PCDHGA7: variants seen among roughly 807,000 people sequenced by gnomAD.
PCDHGA7 encodes protocadherin gamma-A7.
Under a neutral mutation model 58.3 loss-of-function variants are expected in PCDHGA7, and 44 were observed. The observed-to-expected ratio is 0.75, with a 90% confidence interval of 0.59 to 0.97. PCDHGA7 has a LOEUF of 0.97. Ranked by LOEUF, PCDHGA7 falls within the 50% of genes least tolerant of loss-of-function variation. The pLI is 0.00. For missense variants in PCDHGA7, 1,266 were observed against 1,188.7 expected (o/e 1.06, Z -0.96); for synonymous variants, 516 against 504.2 (o/e 1.02, Z -0.31).
At chr5:141,405,582 C>T in intron 1 of PCDHGA7, 3 of 589,180 alleles carry the variant, frequency 5.1e-6, no homozygotes, top group African/African-American at 1.9e-5. Context: ...GTAGCTGGGA[C>T]TACAGGCCTC....
intron 1 of PCDHGA7, chr5:141,422,585 T>C (rs1193597044): frequency 1.2e-6 from 2 of 1,613,930 alleles, no homozygotes; most frequent in African/African-American, 2.7e-5. Context: ...CCTCCCGTTT[T>C]TCCTCACTCC....
chr5:141,494,950 A>T, intron 2 of PCDHGA7, 85 bp downstream of exon 2: 2 of 1,607,070 alleles, frequency 1.2e-6, no homozygotes, highest in African/African-American at 2.7e-5. Context: ...AGGGCCCAGC[A>T]TTTGCTACAG....
intron 1 of PCDHGA7, among the ~76,000 whole-genome samples, chr5:141,434,054 C>T (rs1241950753): frequency 6.6e-6 from 1 of 152,094 alleles, no homozygotes; most frequent in Non-Finnish European, 1.5e-5. Flanking sequence ...ATTCAATGGC[C>T]TGTAATCTGT....
At chr5:141,399,080 G>A (rs1385144710) in intron 1 of PCDHGA7, 2 of 1,613,696 alleles carry the variant, frequency 1.2e-6, no homozygotes, top group Non-Finnish European at 1.7e-6. Flanking sequence ...GTAGAAGGGA[G>A]GGATGGTGGT....
chr5:141,472,556 T>A (rs2099287889), intron 1 of PCDHGA7, among the ~76,000 whole-genome samples: 1 of 151,628 alleles, frequency 6.6e-6, no homozygotes, highest in South Asian at 2.1e-4. Flanking sequence ...AAAAAAATTA[T>A]ATTATAAATG....
chr5:141,383,671 G>T lies in PCDHGA7; in HGVS notation c.772G>T (p.Gly258Cys). The T allele has an allele frequency of 6.2e-7, 1 of 1,613,998 alleles. No homozygotes were observed. The highest frequency in any genetic ancestry group is 8.5e-7 in the Non-Finnish European group (1 of 1,179,896). ...AACTGTCCCCGAGAATGTGCCAGTG[G>T]GTACAAGACTGCTCACGGTACATGC... The part of the protein sequence containing the change: ...QVTVPENVPV[G>C]TRLLTVHAID... Residue 258 changes from glycine (G) to cysteine (C), a missense_variant, in exon 1 of 4, where the codon GGT becomes TGT. Physicochemically the swap from Gly to Cys is radical, Grantham distance 159 (BLOSUM62 -3). Transcript: ENST00000518325.
chr5:141,419,065 C>G (rs763008753), intron 1 of PCDHGA7: 2 of 1,613,786 alleles, frequency 1.2e-6, no homozygotes, highest in South Asian at 2.2e-5. Context: ...ATAATTACTA[C>G]AAGCTAGTAA....
chr5:141,476,556 C>G lies in PCDHGA7; in HGVS notation c.2425-18251C>G. On this transcript the variant is annotated intron_variant, in intron 1 of 3. Transcript: ENST00000518325. This position sits in a 1 kb window ranked among gnomAD's most constrained non-coding sequence, Gnocchi z 7.6. ...GAAATGAAATTGGAGATTAGCGAGG[C>G]CGTGGCTCCGGGGACGCGCTTTCCG... The G allele has an allele frequency of 6.2e-7, 1 of 1,614,234 alleles. No homozygotes were observed. The highest frequency in any genetic ancestry group is 8.5e-7 in the Non-Finnish European group (1 of 1,180,036).
intron 3 of PCDHGA7, chr5:141,508,415 A>T (rs2099868684): frequency 6.6e-6 from 1 of 152,158 alleles, no homozygotes; most frequent in Non-Finnish European, 1.5e-5. Context: ...CCACGCAGAG[A>T]CTTGACCAAG....
At chr5:141,506,609 T>C (rs1375963880) in intron 3 of PCDHGA7, among the ~76,000 whole-genome samples, 1 of 152,184 alleles carries the variant, frequency 6.6e-6, no homozygotes, top group African/African-American at 2.4e-5. Context: ...GATCTCATTG[T>C]GGTGTTACCA....
Position 141,431,303 on chromosome 5 carries a change from G to A in PCDHGA7, c.2424+45980G>A, listed in dbSNP as rs777784010. 2 of 1,613,942 alleles carry A rather than the reference G, an allele frequency of 1.2e-6. No homozygotes were observed. The highest frequency in any genetic ancestry group is 2.7e-5 in the African/African-American group (2 of 74,916). ...CCCGAACACTCACTTCTCCCTCATC[G>A]TGCAAAATGGAGCCGACGGTAGTAA... On this transcript the variant is annotated intron_variant, in intron 1 of 3. Transcript: ENST00000518325. The surrounding 1 kb of genome is among the most constrained non-coding windows in gnomAD (Gnocchi z 4.8).
chr5:141,468,920 A>G (rs2099185605), intron 1 of PCDHGA7, among the ~76,000 whole-genome samples: 1 of 151,612 alleles, frequency 6.6e-6, no homozygotes, highest in South Asian at 2.1e-4. Context: ...AGAAGAGAAT[A>G]GCACTAAAAT....
rs766042374 is a variant in PCDHGA7 at position 141,418,520 on chromosome 5, C to A, written c.2424+33197C>A. ...GACCGCCTTAGATGGTGGGGACCCTCCCCGAAGCGGTACTGCTCAGATAAG... is the reference window on the plus strand; with the variant it reads ...GACCGCCTTAGATGGTGGGGACCCTACCCGAAGCGGTACTGCTCAGATAAG... On this transcript the variant is annotated intron_variant, in intron 1 of 3. Transcript: ENST00000518325. 6 of 1,613,818 alleles carry A rather than the reference C, an allele frequency of 3.7e-6. No individual in the cohort carries two copies. The highest frequency in any genetic ancestry group is 5.1e-6 in the Non-Finnish European group (6 of 1,179,890).
At chr5:141,388,721 C>A (rs373386803) in intron 1 of PCDHGA7, 33 of 1,613,884 alleles carry the variant, frequency 2.0e-5, no homozygotes, top group Non-Finnish European at 2.7e-5. Context: ...AGATTACTTT[C>A]TCTTTCAGTG....
chr5:141,415,905 C>T (rs1278855649), intron 1 of PCDHGA7: 5 of 801,160 alleles, frequency 6.2e-6, no homozygotes, highest in Non-Finnish European at 8.6e-6. Context: ...GACAGACTTC[C>T]ATACAGAAGT....
chr5:141,419,769 C>T (rs773303779), intron 1 of PCDHGA7: 6 of 1,613,888 alleles, frequency 3.7e-6, no homozygotes, highest in Non-Finnish European at 4.2e-6. Context: ...GACAAGGACT[C>T]GGTCCGCCAG....
Position 141,432,036 on chromosome 5 carries a change from AC to A in PCDHGA7, c.2424+46715del, listed in dbSNP as rs1419691535. The A allele has an allele frequency of 6.2e-7, 1 of 1,614,218 alleles. No individual in the cohort carries two copies. The highest frequency in any genetic ancestry group is 1.3e-5 in the African/African-American group (1 of 75,048). On this transcript the variant is annotated intron_variant, in intron 1 of 3. Coordinates refer to ENST00000518325, the MANE Select transcript of PCDHGA7 (RefSeq NM_018920.4). This position sits in a 1 kb window ranked among gnomAD's most constrained non-coding sequence, Gnocchi z 6.0. ...TACAACATCACAGTGACCGCCACTG[AC>A]CGGGGAACCCCGCCCCTATCCACGG...
chr5:141,490,009 A>T lies in PCDHGA7; in HGVS notation c.2425-4798A>T. Reference sequence around the variant, plus strand: ...TGTGGGAATCCCAGAGAATGCACCCATTGGTACTCTGCTGCTCCGCCTCAA... The same window carrying T: ...TGTGGGAATCCCAGAGAATGCACCCTTTGGTACTCTGCTGCTCCGCCTCAA... On this transcript the variant is annotated intron_variant, in intron 1 of 3. Transcript: ENST00000518325. The surrounding 1 kb of genome is among the most constrained non-coding windows in gnomAD (Gnocchi z 5.4). 5 of 1,614,214 alleles carry T rather than the reference A, an allele frequency of 3.1e-6. No individual in the cohort carries two copies. The highest frequency in any genetic ancestry group is 4.2e-6 in the Non-Finnish European group (5 of 1,180,032).
At chr5:141,439,737 A>T (rs947754447) in intron 1 of PCDHGA7, 4 of 152,382 alleles carry the variant, frequency 2.6e-5, no homozygotes, top group Non-Finnish European at 5.9e-5. Flanking sequence ...CAGGAACGGA[A>T]CGGATTTACA....
Sources: allele counts gnomAD v4.1 joint callset (sites outside exome capture counted in the v4.1 genomes callset), GRCh38; gene constraint gnomAD v4.1.1; non-coding constraint Gnocchi (gnomAD v3.1); transcripts MANE v1.5; gene names NCBI Gene and HGNC (gene_info 2026-07-23, HGNC 2026-07-21).